The following N4BP2L2 variants were observed in gnomAD, a reference collection of about 807,000 sequenced individuals.
The protein encoded by N4BP2L2 is NEDD4 binding protein 2 like 2.
N4BP2L2 carries 50 observed loss-of-function variants against 56.2 expected under a neutral mutation model. The observed-to-expected ratio is 0.89, with a 90% confidence interval of 0.71 to 1.13. The LOEUF is 1.13. N4BP2L2 is among the 50% of genes most tolerant of loss of function. N4BP2L2 has a pLI of 0.00. For synonymous variants in N4BP2L2, 203 were observed against 223.6 expected (o/e 0.91, Z 0.82); for missense variants, 689 against 693.8 (o/e 0.99, Z 0.08).
Position 32,536,513 on chromosome 13 carries a change from AATTC to A in N4BP2L2, c.511_514del (p.Glu171TyrfsTer44). 3.1e-6 allele frequency: 5 copies of A among 1,613,748 alleles called. No individual in the cohort carries two copies. Among genetic ancestry groups the A allele is most frequent in the Non-Finnish European group, 3.4e-6 (4 of 1,179,958 alleles). ...TTCAATTTCTTTGTAAAACTGGAATAATTCATTGTCAATCTCTGATTTTTCAGAG... is the reference window on the plus strand; with the variant it reads ...TTCAATTTCTTTGTAAAACTGGAATAATTGTCAATCTCTGATTTTTCAGAG... On this transcript the variant is annotated frameshift_variant, in exon 2 of 6. Coordinates refer to ENST00000267068, the Ensembl canonical transcript of N4BP2L2. LOFTEE classifies it high-confidence loss of function.
rs186865531 is a variant in N4BP2L2 at position 32,453,239 on chromosome 13, G to A, written c.366-9113C>T. Among the ~76,000 whole-genome samples, 403 of 152,310 alleles carry A rather than the reference G, an allele frequency of 2.6e-3. 1 individual carries two copies. Among genetic ancestry groups the A allele is most frequent in the Non-Finnish European group, 4.9e-3 (336 of 68,020 alleles). Reference sequence around the variant, plus strand: ...CCACTGCACTCCAGCCTGGGTGACAGAGGGAGACTTTGTCTTCAAAAAAAG... The same window carrying A: ...CCACTGCACTCCAGCCTGGGTGACAAAGGGAGACTTTGTCTTCAAAAAAAG... On this transcript the variant is annotated intron_variant, in intron 6 of 9. Transcript: ENST00000357505.
At chr13:32,499,291 T>A (rs1195745071) in intron 6 of N4BP2L2, among the ~76,000 whole-genome samples, 4 of 152,176 alleles carry the variant, frequency 2.6e-5, no homozygotes, top group East Asian at 3.9e-4. Context: ...TTTTACTACT[T>A]CTTCTCACTA....
chr13:32,514,596 C>G (rs1256726761), exon 6 of N4BP2L2: 4 of 152,184 alleles, frequency 2.6e-5, no homozygotes, highest in African/African-American at 9.6e-5. Flanking sequence ...TCACTTGAGA[C>G]CAGTTCAAGT....
intron 7 of N4BP2L2, among the ~76,000 whole-genome samples, chr13:32,439,393 T>C (rs939199507): frequency 6.6e-6 from 1 of 152,232 alleles, no homozygotes; most frequent in African/African-American, 2.4e-5. Flanking sequence ...TTGATTATGA[T>C]GACATCATGC....
At chr13:32,443,298 G>A in exon 7 of N4BP2L2, 7 of 1,613,956 alleles carry the variant, frequency 4.3e-6, no homozygotes, top group Non-Finnish European at 5.9e-6. Context: ...GCCCCCTGCT[G>A]TCAGGACCAG....
chr13:32,530,926 T>C (rs778730963), intron 2 of N4BP2L2, among the ~76,000 whole-genome samples: 5 of 151,256 alleles, frequency 3.3e-5, no homozygotes, highest in Non-Finnish European at 7.4e-5. Context: ...TGTCTTAGAC[T>C]TGAGCTTGCA....
At chr13:32,474,942 T>C (rs1056751621) in intron 6 of N4BP2L2, among the ~76,000 whole-genome samples, 2 of 152,208 alleles carry the variant, frequency 1.3e-5, no homozygotes, top group Non-Finnish European at 2.9e-5. Context: ...ACCTGTCACA[T>C]ATACCTGTGT....
At chr13:32,492,919 T>C (rs1444651277) in intron 6 of N4BP2L2, among the ~76,000 whole-genome samples, 1 of 142,488 alleles carries the variant, frequency 7.0e-6, no homozygotes, top group African/African-American at 2.7e-5. Flanking sequence ...CTTTTCTGTT[T>C]TTTTTTTTTT....
exon 6 of N4BP2L2, chr13:32,516,790 AGTG>A (rs992690760): frequency 7.1e-6 from 3 of 421,602 alleles, no homozygotes; most frequent in African/African-American, 6.5e-5. Flanking sequence ...GAGAAGTAGT[AGTG>A]TTTTTTTCCT....
chr13:32,451,026 T>C (rs2077921358), intron 6 of N4BP2L2, among the ~76,000 whole-genome samples: 1 of 151,930 alleles, frequency 6.6e-6, no homozygotes, highest in Admixed American at 6.6e-5. Flanking sequence ...TAAAATGTGA[T>C]ACTTAAAGGG....
Position 32,536,449 on chromosome 13 carries a change from A to T in N4BP2L2, c.579T>A (p.Cys193Ter), listed in dbSNP as rs201885726. ...GTTCCTGAGAAGGTTCAGATTCTTT[A>T]CAACTGTTCTCAAAACCATCTTTTT... The change falls in exon 2 of 6, where the codon TGT becomes TGA. Residue 193 changes from cysteine to a stop codon, truncating the protein, a stop_gained. Coordinates refer to ENST00000267068, the Ensembl canonical transcript of N4BP2L2. LOFTEE classifies it high-confidence loss of function. 28 of 1,613,292 alleles carry T rather than the reference A, an allele frequency of 1.7e-5. No homozygotes were observed. Among genetic ancestry groups the T allele is most frequent in the Admixed American group, 1.5e-4 (9 of 59,832 alleles).
In N4BP2L2 at chr13:32,526,818, G is replaced by GTTTTTTTT. The variant is rs35925361; in HGVS notation, c.1384+582_1384+589dup. The stretch of plus-strand genomic sequence containing the variant: ...CTGAGGCCAGGCACACTTTTTGTCT[G>GTTTTTTTT]TTTTTTTTTTTTTTTTTTTTTTTTT... On this transcript the variant is annotated intron_variant, in intron 3 of 5. Transcript: ENST00000267068. The GTTTTTTTT allele has an allele frequency of 3.2e-3, 77 of 24,196 alleles. 1 individual carries two copies. Among genetic ancestry groups the GTTTTTTTT allele is most frequent in the East Asian group, 4.7e-3 (3 of 640 alleles). The allele number at this position is 24,196 out of a possible 1,614,324, so 1.5% of individuals were successfully genotyped here.
chr13:32,437,659 G>A (rs1222998320), intron 8 of N4BP2L2, among the ~76,000 whole-genome samples: 2 of 152,148 alleles, frequency 1.3e-5, no homozygotes, highest in African/African-American at 2.4e-5. Context: ...ACAACAATAG[G>A]AAGGTGCTTC....
intron 6 of N4BP2L2, among the ~76,000 whole-genome samples, chr13:32,497,290 C>A (rs1243145512): frequency 2.6e-5 from 4 of 152,266 alleles, no homozygotes; most frequent in African/African-American, 9.6e-5. Flanking sequence ...TCTTAAAGGA[C>A]CAGGGTACTC....
intron 6 of N4BP2L2, among the ~76,000 whole-genome samples, chr13:32,447,496 T>C (rs1307085735): frequency 6.6e-6 from 1 of 152,120 alleles, no homozygotes; most frequent in South Asian, 2.1e-4. Flanking sequence ...AAATCAGATA[T>C]AGGGTATGAG....
At chr13:32,481,147 A>AAAAAAAAAAC (rs148970353) in intron 6 of N4BP2L2, among the ~76,000 whole-genome samples, 1 of 149,838 alleles carries the variant, frequency 6.7e-6, no homozygotes, top group Non-Finnish European at 1.5e-5. Flanking sequence ...AAAAAAAAAA[A>AAAAAAAAAAC]AGGATTGCAC....
chr13:32,441,509 C>G (rs1054439945), intron 7 of N4BP2L2, among the ~76,000 whole-genome samples: 1 of 150,518 alleles, frequency 6.6e-6, no homozygotes, highest in Non-Finnish European at 1.5e-5. Flanking sequence ...CATGGTGAAA[C>G]CCTGTCTCTA....
At chr13:32,463,351 G>A (rs1376699682) in intron 6 of N4BP2L2, among the ~76,000 whole-genome samples, 7 of 152,176 alleles carry the variant, frequency 4.6e-5, no homozygotes, top group Non-Finnish European at 8.8e-5. Context: ...TAAGCATAAT[G>A]GGAGTCTTAG....
intron 6 of N4BP2L2, among the ~76,000 whole-genome samples, chr13:32,464,732 A>G (rs1038450764): frequency 6.6e-6 from 1 of 152,192 alleles, no homozygotes; most frequent in African/African-American, 2.4e-5. Flanking sequence ...CTGACTGACA[A>G]AAGTACATCA....
Sources: gnomAD v4.1 joint callset for allele counts (sites outside exome capture counted in the v4.1 genomes callset) on GRCh38, gnomAD v4.1.1 for gene constraint, MANE v1.5 for transcripts, NCBI Gene and HGNC (gene_info 2026-07-23, HGNC 2026-07-21) for gene names.